DTNB: variants seen among roughly 807,000 people sequenced by gnomAD.
DTNB encodes the protein dystrobrevin beta.
DTNB carries 63 observed loss-of-function variants against 90.7 expected under a neutral mutation model. That is an observed-to-expected ratio of 0.69 (90% confidence interval 0.57 to 0.86). The LOEUF (loss-of-function observed/expected upper bound fraction) is 0.86. DTNB is among the 40% of genes least tolerant of loss of function. The pLI, the probability that DTNB is intolerant of heterozygous loss-of-function variation, is 0.00. For missense variants in DTNB, 744 were observed against 807.1 expected (o/e 0.92, Z 0.95); for synonymous variants, 277 against 286.7 (o/e 0.97, Z 0.34).
chr2:25,458,096 G>T (rs775950973), intron 10 of DTNB, among the ~76,000 whole-genome samples: 2 of 152,120 alleles, frequency 1.3e-5, no homozygotes, highest in Non-Finnish European at 2.9e-5. Context: ...GCCTCCCAAA[G>T]TGCTGGGATT....
chr2:25,516,714 A>AC (rs2075188661), intron 9 of DTNB, among the ~76,000 whole-genome samples: 1 of 150,922 alleles, frequency 6.6e-6, no homozygotes, highest in Non-Finnish European at 1.5e-5. Flanking sequence ...ACATGGTGAA[A>AC]CCCCGTCTCT....
At chr2:25,666,158 T>C (rs1191634355) in intron 1 of DTNB, among the ~76,000 whole-genome samples, 2 of 152,252 alleles carry the variant, frequency 1.3e-5, no homozygotes, top group Non-Finnish European at 2.9e-5. Context: ...AAATGTGTTT[T>C]CTTTAAAGGT....
At chr2:25,383,949 G>A (rs1434781482) in intron 18 of DTNB, 60 bp from the exon 19 acceptor site, 3 of 1,612,706 alleles carry the variant, frequency 1.9e-6, no homozygotes, top group African/African-American at 2.7e-5. Flanking sequence ...TACAGAAGGA[G>A]GGTGAACAAA....
In DTNB at chr2:25,480,562, T is replaced by C. The variant is rs996433681; in HGVS notation, c.1079+2234A>G. Reference sequence around the variant, plus strand: ...TATGATTATTACTGCTCCCTTCTTTTAGTTTTTTCAAGCAATAAAACACTG... The same window carrying C: ...TATGATTATTACTGCTCCCTTCTTTCAGTTTTTTCAAGCAATAAAACACTG... On this transcript the variant is annotated intron_variant, in intron 10 of 20. Coordinates refer to ENST00000406818, the MANE Select transcript of DTNB (RefSeq NM_021907.5). Among the ~76,000 whole-genome samples, 7 of 152,232 alleles carry C rather than the reference T, an allele frequency of 4.6e-5. No individual in the cohort carries two copies. The South Asian group carries it at 1.4e-3, about 32-fold the overall frequency.
At chr2:25,513,850 T>G (rs150356728) in intron 9 of DTNB, among the ~76,000 whole-genome samples, 1 of 152,092 alleles carries the variant, frequency 6.6e-6, no homozygotes, top group East Asian at 1.9e-4. Flanking sequence ...TCACTACTAT[T>G]AGTAAGTCAT....
intron 6 of DTNB, among the ~76,000 whole-genome samples, chr2:25,592,791 T>A (rs1263808572): frequency 1.3e-5 from 2 of 152,144 alleles, no homozygotes; most frequent in African/African-American, 4.8e-5. Context: ...AAAACAGAGT[T>A]GGAACAACCA....
chr2:25,634,907 A>T (rs2076800136), intron 3 of DTNB, among the ~76,000 whole-genome samples: 1 of 115,976 alleles, frequency 8.6e-6, no homozygotes. Context: ...GTACCCCGGG[A>T]CACAAACACT....
chr2:25,599,498 T>C (rs1046422634), intron 5 of DTNB, among the ~76,000 whole-genome samples: 4 of 151,794 alleles, frequency 2.6e-5, no homozygotes, highest in Admixed American at 6.6e-5. Flanking sequence ...CCCGCCACCA[T>C]GCCCAGCTAA....
intron 6 of DTNB, among the ~76,000 whole-genome samples, chr2:25,587,797 A>G (rs181201883): frequency 6.9e-4 from 105 of 152,320 alleles, no homozygotes; most frequent in Middle Eastern, 3.4e-3. Flanking sequence ...CTAGTGAGAC[A>G]GGCCTCATTA....
chr2:25,661,743 G>GA (rs1390590661), intron 1 of DTNB, among the ~76,000 whole-genome samples: 2 of 151,998 alleles, frequency 1.3e-5, no homozygotes, highest in Non-Finnish European at 2.9e-5. Flanking sequence ...CACATCAAAT[G>GA]AAAAAAATGA....
intron 9 of DTNB, among the ~76,000 whole-genome samples, chr2:25,484,098 C>T (rs990434138): frequency 5.9e-5 from 9 of 152,102 alleles, no homozygotes; most frequent in Admixed American, 1.3e-4. Context: ...CTACACCATA[C>T]GGCCTAGGCT....
chr2:25,474,598 T>C (rs2063420039), intron 10 of DTNB, among the ~76,000 whole-genome samples: 1 of 152,210 alleles, frequency 6.6e-6, no homozygotes, highest in Non-Finnish European at 1.5e-5. Context: ...ATTCTATAGA[T>C]AATAAGATAA....
chr2:25,444,219 T>C (rs1363356953), intron 12 of DTNB, among the ~76,000 whole-genome samples: 4 of 152,166 alleles, frequency 2.6e-5, no homozygotes, highest in African/African-American at 9.7e-5. Flanking sequence ...CCACACATTA[T>C]AGTTTTGTTT....
At chr2:25,640,394 G>A (rs964524054) in intron 2 of DTNB, among the ~76,000 whole-genome samples, 5 of 152,014 alleles carry the variant, frequency 3.3e-5, no homozygotes, top group South Asian at 2.1e-4. Context: ...GAGGCGGGGG[G>A]TGGAGGGGGT....
In DTNB at chr2:25,402,229, A is replaced by T. The variant is rs560860047; in HGVS notation, c.1576-13868T>A. Among the ~76,000 whole-genome samples, 83 of 152,294 alleles carry T rather than the reference A, an allele frequency of 5.4e-4. 1 individual carries two copies. Among genetic ancestry groups the T allele is most frequent in the Non-Finnish European group, 7.8e-4 (53 of 68,034 alleles). The stretch of plus-strand genomic sequence containing the variant: ...ATGCTGCACTGTCTGTCCTGCTGTG[A>T]GAGTTGGAAATAACCGCCTCACACG... On this transcript the variant is annotated intron_variant, in intron 16 of 20. Transcript: ENST00000406818.
intron 14 of DTNB, 122 bp from the exon 15 acceptor site, chr2:25,427,753 T>C: frequency 1.2e-6 from 1 of 811,652 alleles, no homozygotes; most frequent in Non-Finnish European, 1.9e-6. Context: ...GCAAGTCATT[T>C]AGCATCCAAT....
At chr2:25,408,009 C>CA (rs1248407938) in intron 16 of DTNB, among the ~76,000 whole-genome samples, 1 of 151,922 alleles carries the variant, frequency 6.6e-6, no homozygotes, top group Non-Finnish European at 1.5e-5. Context: ...CACTTGAAGT[C>CA]AAGAGTTTGA....
chr2:25,538,975 T>C (rs1022090733), intron 8 of DTNB, among the ~76,000 whole-genome samples: 5 of 152,228 alleles, frequency 3.3e-5, no homozygotes, highest in Non-Finnish European at 7.3e-5. Flanking sequence ...ATACATTGTT[T>C]AGATATGTAT....
chr2:25,666,757 T>C (rs2084540905), intron 1 of DTNB, among the ~76,000 whole-genome samples: 1 of 152,114 alleles, frequency 6.6e-6, no homozygotes, highest in Admixed American at 6.5e-5. Flanking sequence ...GCTTGCTGGA[T>C]CCGGAGTCTA....
Sources: gnomAD v4.1 joint callset for allele counts (sites outside exome capture counted in the v4.1 genomes callset) on GRCh38, gnomAD v4.1.1 for gene constraint, MANE v1.5 for transcripts, NCBI Gene and HGNC (gene_info 2026-07-23, HGNC 2026-07-21) for gene names.